Variants in POFUT2 observed in about 807,000 individuals in gnomAD.
The protein encoded by POFUT2 is GDP-fucose protein O-fucosyltransferase 2.
Under a neutral mutation model 55.0 loss-of-function variants are expected in POFUT2, and 30 were observed. The ratio of observed to expected loss-of-function variants is 0.55; its 90% confidence interval spans 0.41 to 0.74. The LOEUF (loss-of-function observed/expected upper bound fraction) is 0.74. Among genes scored for constraint, POFUT2 ranks in the 30% least tolerant of loss-of-function variants. The pLI, the probability that POFUT2 is intolerant of heterozygous loss-of-function variation, is 0.00. For missense variants in POFUT2, 524 were observed against 562.6 expected (o/e 0.93, Z 0.69); for synonymous variants, 267 against 231.1 (o/e 1.16, Z -1.41).
intron 6 of POFUT2, 124 bp downstream of exon 6, chr21:45,276,893 C>A: frequency 9.6e-7 from 1 of 1,046,986 alleles, no homozygotes. Flanking sequence ...TCCAGAGAGG[C>A]GCCGAGGCAT....
In POFUT2 at chr21:45,265,830, G is replaced by C; in HGVS notation, c.1137-195C>G. ...CCTCGCTCAGGTGCCCTCGACATCG[G>C]CGCCCTGAGGGGCTCTGCCTGGTGC... On this transcript the variant is annotated intron_variant, in intron 8 of 8. Transcript: ENST00000349485. The surrounding 1 kb of genome is among the most constrained non-coding windows in gnomAD (Gnocchi z 4.6). The C allele has an allele frequency of 7.1e-7, 1 of 1,400,878 alleles. No homozygotes were observed. The highest frequency in any genetic ancestry group is 9.3e-7 in the Non-Finnish European group (1 of 1,078,142). 86.8% of individuals were successfully genotyped at this position (1,400,878 alleles called of 1,614,324 possible). A position where few individuals can be genotyped will look rare whatever the true frequency, so the allele number is the denominator to read the frequency against.
Position 45,267,583 on chromosome 21 carries a change from C to T in POFUT2, c.1136+7G>A, listed in dbSNP as rs774331265. On this transcript the variant is annotated splice_region_variant and intron_variant, in intron 8 of 8. Transcript: ENST00000349485. This position sits in a 1 kb window ranked among gnomAD's most constrained non-coding sequence, Gnocchi z 4.4. The stretch of plus-strand genomic sequence containing the variant: ...CGCTCTCGGCCGACAGTGACGTGGG[C>T]AGGCACCTGGCGTGTGCGCAGATCC... The T allele has an allele frequency of 6.2e-6, 10 of 1,614,054 alleles. No individual in the cohort carries two copies. The Admixed American group carries it at 6.7e-5, about 11-fold the overall frequency.
rs545945768 is a variant in POFUT2 at position 45,283,226 on chromosome 21, G to A, written c.527+157C>T. On this transcript the variant is annotated intron_variant, in intron 3 of 8. Transcript: ENST00000349485. Reference sequence around the variant, plus strand: ...GGGGGGAGTGGGGGGTGAAGACACCGTGGCGGGGGGAGGCGGGGTGCTGCA... The same window carrying A: ...GGGGGGAGTGGGGGGTGAAGACACCATGGCGGGGGGAGGCGGGGTGCTGCA... The A allele has an allele frequency of 5.9e-4, 258 of 437,330 alleles. 2 individuals are homozygous for A. The highest frequency in any genetic ancestry group is 5.4e-3 in the African/African-American group (232 of 43,044). 27.1% of individuals were successfully genotyped at this position (437,330 alleles called of 1,614,324 possible).
At position 45,281,643 on chromosome 21, in the gene POFUT2, G is replaced by A. The variant is rs1024771865; in HGVS notation, c.638+706C>T. 6.6e-6 allele frequency among the ~76,000 whole-genome samples: 1 copy of A among 152,066 alleles called. No individual in the cohort carries two copies. Among genetic ancestry groups the A allele is most frequent in the Non-Finnish European group, 1.5e-5 (1 of 68,018 alleles). On this transcript the variant is annotated intron_variant, in intron 4 of 8. Coordinates refer to ENST00000349485, the MANE Select transcript of POFUT2 (RefSeq NM_133635.6). The surrounding 1 kb of genome is among the most constrained non-coding windows in gnomAD (Gnocchi z 5.0). The stretch of plus-strand genomic sequence containing the variant: ...CACACAGGGCACGACAGCAGACAAG[G>A]CAGCCTCAACGTGGGCAAGTGCGAG...
At position 45,267,711 on chromosome 21, in the gene POFUT2, A is replaced by G. The variant is rs1460569424; in HGVS notation, c.1015T>C (p.Tyr339His). 2 of 1,613,916 alleles carry G rather than the reference A, an allele frequency of 1.2e-6. No individual in the cohort carries two copies. Among genetic ancestry groups the G allele is most frequent in the African/African-American group, 1.3e-5 (1 of 75,036 alleles). The change falls in exon 8 of 9, where the codon TAT becomes CAT. Residue 339 changes from tyrosine (Y) to histidine (H), a missense_variant and splice_region_variant. Tyr to His is a moderately conservative substitution (Grantham distance 83, BLOSUM62 2). Around this residue, in one of 2 missense-constraint regions of POFUT2, gnomAD observed 250 missense variants for 318.2 expected, o/e 0.79. Transcript: ENST00000349485. This position sits in a 1 kb window ranked among gnomAD's most constrained non-coding sequence, Gnocchi z 4.4. ...FVATDAVRKE[Y>H]EELKKLLPEM... ...GGTAACAGCTTTTTTAGCTCTTCAT[A>G]TTCTGCAAAGTAGAAGGAGAGACCC... is the stretch of plus-strand genomic sequence containing the variant.
At chr21:45,278,001 C>T in intron 5 of POFUT2, 102 bp downstream of exon 5, 1 of 969,636 alleles carries the variant, frequency 1.0e-6, no homozygotes, top group Non-Finnish European at 1.7e-6. Context: ...TGGTTTTAAT[C>T]AGCAAGGTTC....
At chr21:45,279,200 G>C (rs1313406075) in intron 4 of POFUT2, among the ~76,000 whole-genome samples, 1 of 148,592 alleles carries the variant, frequency 6.7e-6, no homozygotes, top group East Asian at 1.9e-4. Context: ...GACCATCCTG[G>C]CTAAGACGGT....
intron 6 of POFUT2, among the ~76,000 whole-genome samples, chr21:45,273,828 G>A (rs1185828378): frequency 6.6e-6 from 1 of 152,156 alleles, no homozygotes; most frequent in African/African-American, 2.4e-5. Context: ...GATAATAAAA[G>A]TCATCTATGA....
In POFUT2 at chr21:45,285,938, GAGA is replaced by G. The variant is rs1314339468; in HGVS notation, c.132-13_132-11del. The G allele has an allele frequency of 2.5e-6, 4 of 1,592,518 alleles. No homozygotes were observed. The highest frequency in any genetic ancestry group is 1.7e-5 in the Admixed American group (1 of 59,180). ...GTCATACAGAAGATACCTGAGCAGG[GAGA>G]AGGAGGACCACAGGTCTCAAATGCT... On this transcript the variant is annotated splice_polypyrimidine_tract_variant and intron_variant, in intron 1 of 8. Transcript: ENST00000349485. This position sits in a 1 kb window ranked among gnomAD's most constrained non-coding sequence, Gnocchi z 4.9.
chr21:45,273,553 C>G (rs2093237517), intron 6 of POFUT2, among the ~76,000 whole-genome samples: 1 of 152,046 alleles, frequency 6.6e-6, no homozygotes, highest in African/African-American at 2.4e-5. Context: ...AACATAGATG[C>G]AAAAATCCTT....
At chr21:45,286,993 A>G (rs1315284825) in intron 1 of POFUT2, among the ~76,000 whole-genome samples, 1 of 152,080 alleles carries the variant, frequency 6.6e-6, no homozygotes, top group African/African-American at 2.4e-5. Context: ...TGTCACTTGC[A>G]GGGGCCTCCG....
chr21:45,286,461 G>T (rs2031417932), intron 1 of POFUT2, among the ~76,000 whole-genome samples: 2 of 152,194 alleles, frequency 1.3e-5, no homozygotes, highest in Non-Finnish European at 2.9e-5. Context: ...TTTGGGTTTG[G>T]TGACAGCTGG....
rs1328499446 is a variant in POFUT2, at chr21:45,277,802, G to A, written c.705+301C>T. On this transcript the variant is annotated intron_variant, in intron 5 of 8. Coordinates refer to ENST00000349485, the MANE Select transcript of POFUT2 (RefSeq NM_133635.6). This position sits in a 1 kb window ranked among gnomAD's most constrained non-coding sequence, Gnocchi z 6.9. ...AAGAGAGGAGAAAGGAGGGGTCTAC[G>A]TTCCAGCCACTGACGGAGTCACTGA... The A allele has an allele frequency of 4.3e-6, 2 of 464,218 alleles. No homozygotes were observed. Among genetic ancestry groups the A allele is most frequent in the South Asian group, 5.4e-5 (2 of 37,188 alleles). The allele number at this position is 464,218 out of a possible 1,614,324, so 28.8% of individuals were successfully genotyped here. A position where few individuals can be genotyped will look rare whatever the true frequency, so the allele number is the denominator to read the frequency against.
chr21:45,277,114 T>C lies in POFUT2; in HGVS notation c.734A>G (p.His245Arg), dbSNP rs1281753488. ...GAACTCGTCTCCCACCTCCCGCAGGTGCCTGGCAAACACCATGCTGCGACG... is the reference window on the plus strand; with the variant it reads ...GAACTCGTCTCCCACCTCCCGCAGGCGCCTGGCAAACACCATGCTGCGACG... ...DTRRSMVFAR[H>R]LREVGDEFRS... is the part of the protein sequence containing the mutation. The change falls in exon 6 of 9, where the codon CAC (histidine) becomes CGC (arginine). Residue 245 changes from histidine (H) to arginine (R), a missense_variant. Coordinates refer to ENST00000349485, the MANE Select transcript of POFUT2 (RefSeq NM_133635.6). This position sits in a 1 kb window ranked among gnomAD's most constrained non-coding sequence, Gnocchi z 6.9. 4 of 1,613,808 alleles carry C rather than the reference T, an allele frequency of 2.5e-6. No individual in the cohort carries two copies. In the Admixed American group the frequency reaches 6.7e-5, roughly 27 times the overall value.
chr21:45,267,297 A>C lies in POFUT2; in HGVS notation c.1136+293T>G. ...GGGCAGACAGGGGCAGAAACCGGGA[A>C]TGATGGGAAAATGCGACACAAGAAG... On this transcript the variant is annotated intron_variant, in intron 8 of 8. Transcript: ENST00000349485. The surrounding 1 kb of genome is among the most constrained non-coding windows in gnomAD (Gnocchi z 4.4). 1.4e-6 allele frequency: 2 copies of C among 1,455,972 alleles called. No homozygotes were observed. The highest frequency in any genetic ancestry group is 1.8e-6 in the Non-Finnish European group (2 of 1,110,190). 90.2% of individuals were successfully genotyped at this position (1,455,972 alleles called of 1,614,324 possible).
Position 45,265,620 on chromosome 21 carries a change from G to A in POFUT2, c.1152C>T (p.Thr384=), listed in dbSNP as rs777184465. The change falls in exon 9 of 9, where the codon ACC becomes ACT. Residue 384 remains threonine, a synonymous_variant. Coordinates refer to ENST00000349485, the MANE Select transcript of POFUT2 (RefSeq NM_133635.6). This position sits in a 1 kb window ranked among gnomAD's most constrained non-coding sequence, Gnocchi z 4.6. ...TCCGAAAAGAAAATGTTGAGACTGA[G>A]GTGCCAATAAAAAACCTGCAAAGGA... is the stretch of plus-strand genomic sequence containing the variant. The part of the protein sequence containing the change: ...ICAHARFFIG[T]SVSTFSFRIH... The A allele has an allele frequency of 3.1e-6, 5 of 1,612,848 alleles. 1 individual carries two copies. The South Asian group carries it at 5.5e-5, about 18-fold the overall frequency.
intron 6 of POFUT2, 105 bp downstream of exon 6, chr21:45,276,912 A>C: frequency 7.7e-7 from 1 of 1,304,720 alleles, no homozygotes; most frequent in Non-Finnish European, 1.1e-6. Context: ...ATCCACGCCC[A>C]CAGACACGCC....
rs552672044 is a variant in POFUT2 at position 45,269,829 on chromosome 21, A to C, written c.1012+10T>G. The C allele has an allele frequency of 3.1e-6, 5 of 1,589,218 alleles. No homozygotes were observed. The highest frequency in any genetic ancestry group is 3.9e-5 in the Admixed American group (2 of 51,940). On this transcript the variant is annotated intron_variant, in intron 7 of 8. Transcript: ENST00000349485. The stretch of plus-strand genomic sequence containing the variant: ...GAAAGGAAAGAAACGAAAGCATTGA[A>C]GCTCCATACCCTTTCTGACGGCATC...
At chr21:45,266,715 C>T (rs985344803) in intron 8 of POFUT2, 9 of 1,000,220 alleles carry the variant, frequency 9.0e-6, no homozygotes, top group African/African-American at 1.7e-5. Context: ...ACACCATGCC[C>T]AGAACACCAC....
Sources: allele counts gnomAD v4.1 joint callset (sites outside exome capture counted in the v4.1 genomes callset), GRCh38; gene constraint gnomAD v4.1.1; regional missense constraint gnomAD v4.1.1; non-coding constraint Gnocchi (gnomAD v3.1); transcripts MANE v1.5; gene names NCBI Gene and HGNC (gene_info 2026-07-23, HGNC 2026-07-21).